The following RBFOX1 variants were observed in gnomAD, a reference collection of about 807,000 sequenced individuals.
RBFOX1 encodes the protein RNA binding fox-1 homolog 1, also known as RNA binding protein fox-1 homolog 1.
A neutral mutation model predicts 57.7 loss-of-function variants in RBFOX1; 8 were observed. The observed-to-expected ratio is 0.14, with a 90% CI of 0.08 to 0.25. The LOEUF is 0.25. Ranked by LOEUF, RBFOX1 falls within the 10% of genes least tolerant of loss-of-function variation. The pLI, the probability that RBFOX1 is intolerant of heterozygous loss-of-function variation, is 1.00. For synonymous variants in RBFOX1, 326 were observed against 222.4 expected, an observed-to-expected ratio of 1.47 and a Z score of -4.15; for missense variants, 611 against 548.5, an observed-to-expected ratio of 1.11 and a Z score of -1.14.
intron 2 of RBFOX1, among the ~76,000 whole-genome samples, chr16:6,502,642 C>T (rs529394676): frequency 1.3e-5 from 2 of 152,186 alleles, no homozygotes; most frequent in South Asian, 2.1e-4. Context: ...GTTGTGCTAG[C>T]AAGTGTTTGT....
intron 3 of RBFOX1, among the ~76,000 whole-genome samples, chr16:6,757,756 C>G (rs552473254): frequency 6.6e-6 from 1 of 152,196 alleles, no homozygotes; most frequent in East Asian, 1.9e-4. Flanking sequence ...TGGTTAAAAA[C>G]AATTTATTGT....
intron 1 of RBFOX1, among the ~76,000 whole-genome samples, chr16:5,331,278 C>A (rs75193801): frequency 6.6e-6 from 1 of 152,178 alleles, no homozygotes. Flanking sequence ...ATGTATCTCA[C>A]GTGCTTTGGG....
intron 4 of RBFOX1, among the ~76,000 whole-genome samples, chr16:7,340,346 A>T (rs973512566): frequency 6.6e-6 from 1 of 152,226 alleles, no homozygotes; most frequent in African/African-American, 2.4e-5. Flanking sequence ...TATCCTGATC[A>T]CTTGTTGCCA....
intron 3 of RBFOX1, among the ~76,000 whole-genome samples, chr16:6,698,518 C>T (rs2061374296): frequency 6.6e-6 from 1 of 152,172 alleles, no homozygotes; most frequent in Non-Finnish European, 1.5e-5. Context: ...GAGCGCTTAA[C>T]TCTTTCTTTT....
At chr16:6,802,524 A>C (rs77358704) in intron 3 of RBFOX1, among the ~76,000 whole-genome samples, 2 of 152,050 alleles carry the variant, frequency 1.3e-5, no homozygotes, top group Non-Finnish European at 2.9e-5. Context: ...TTAAAATACA[A>C]AAGTTACTCG....
intron 2 of RBFOX1, among the ~76,000 whole-genome samples, chr16:5,595,799 G>C (rs1385415553): frequency 6.6e-6 from 1 of 152,166 alleles, no homozygotes; most frequent in Non-Finnish European, 1.5e-5. Flanking sequence ...GGGACACACG[G>C]GATTGGGCAC....
chr16:7,339,120 A>G (rs2096846184), intron 4 of RBFOX1, among the ~76,000 whole-genome samples: 1 of 152,202 alleles, frequency 6.6e-6, no homozygotes, highest in Admixed American at 6.5e-5. Flanking sequence ...TCTGGCATTT[A>G]CTAAGCCTGT....
chr16:6,239,042 A>T (rs2097525949), intron 1 of RBFOX1, among the ~76,000 whole-genome samples: 4 of 152,028 alleles, frequency 2.6e-5, no homozygotes, highest in Admixed American at 2.6e-4. Flanking sequence ...ATTTTTTACA[A>T]GCTCCTTAGT....
At chr16:6,303,513 G>C (rs1470988805) in intron 1 of RBFOX1, among the ~76,000 whole-genome samples, 1 of 152,092 alleles carries the variant, frequency 6.6e-6, no homozygotes, top group East Asian at 1.9e-4. Flanking sequence ...GCAGTAGTCT[G>C]AGTAAATATA....
At chr16:5,401,775 T>TCTGCCGCTGTCA (rs1443585007) in intron 1 of RBFOX1, among the ~76,000 whole-genome samples, 6 of 149,804 alleles carry the variant, frequency 4.0e-5, no homozygotes, top group South Asian at 2.2e-4. Flanking sequence ...CTCCTCCTCC[T>TCTGCCGCTGTCA]CCTCCTCCTC....
chr16:6,957,431 C>G (rs2082104607), intron 3 of RBFOX1, among the ~76,000 whole-genome samples: 1 of 152,080 alleles, frequency 6.6e-6, no homozygotes, highest in African/African-American at 2.4e-5. Flanking sequence ...ATATGCTAAA[C>G]AAGGGGTGGA....
chr16:7,000,753 C>A (rs552940516), intron 3 of RBFOX1, among the ~76,000 whole-genome samples: 35 of 151,560 alleles, frequency 2.3e-4, no homozygotes, highest in African/African-American at 8.0e-4. Context: ...TACAGGTGTC[C>A]GCCATCATGC....
chr16:6,364,916 G>A (rs1361798162), intron 2 of RBFOX1, among the ~76,000 whole-genome samples: 2 of 152,010 alleles, frequency 1.3e-5, no homozygotes, highest in African/African-American at 2.4e-5. Flanking sequence ...GTCCTTTTAC[G>A]ATATTCACCC....
At chr16:5,704,246 G>C (rs1181088093) in intron 3 of RBFOX1, among the ~76,000 whole-genome samples, 3 of 152,104 alleles carry the variant, frequency 2.0e-5, no homozygotes, top group African/African-American at 7.2e-5. Flanking sequence ...GTAATAATTT[G>C]GATAAAAGTT....
chr16:5,665,197 C>T (rs2049799833), intron 3 of RBFOX1, among the ~76,000 whole-genome samples: 2 of 151,886 alleles, frequency 1.3e-5, no homozygotes, highest in South Asian at 4.2e-4. Flanking sequence ...GCGATCCTCC[C>T]ACCTTAGTCT....
intron 4 of RBFOX1, among the ~76,000 whole-genome samples, chr16:7,478,396 G>A (rs2063176847): frequency 6.6e-6 from 1 of 152,176 alleles, no homozygotes; most frequent in African/African-American, 2.4e-5. Context: ...ATTTTTTAAG[G>A]GAGTGAGGAG....
chr16:6,978,866 A>G (rs1234779320), intron 3 of RBFOX1, among the ~76,000 whole-genome samples: 1 of 152,066 alleles, frequency 6.6e-6, no homozygotes, highest in Non-Finnish European at 1.5e-5. Flanking sequence ...GCTTCATTGC[A>G]TTTTTGCCCT....
chr16:6,253,164 C>G (rs1341091977), intron 1 of RBFOX1, among the ~76,000 whole-genome samples: 3 of 152,132 alleles, frequency 2.0e-5, no homozygotes, highest in Non-Finnish European at 4.4e-5. Context: ...GATTTGAATA[C>G]AGGTCTCATC....
rs1334953042 is a variant in RBFOX1, at chr16:6,936,379, C to G, written c.-15-115678C>G. Among the ~76,000 whole-genome samples, 4 of 152,132 alleles carry G rather than the reference C, an allele frequency of 2.6e-5. No individual in the cohort carries two copies. In the East Asian group the frequency reaches 7.8e-4, roughly 30 times the overall value. ...CAATGAGCATAGGCACAAACAGAAA[C>G]AAATAAAAACTTCTTGGTGAGTTTG... On this transcript the variant is annotated intron_variant, in intron 3 of 15. Coordinates refer to ENST00000550418, the MANE Select transcript of RBFOX1 (RefSeq NM_018723.4).
Sources: gnomAD v4.1 joint callset for allele counts (sites outside exome capture counted in the v4.1 genomes callset) on GRCh38, gnomAD v4.1.1 for gene constraint, MANE v1.5 for transcripts, NCBI Gene and HGNC (gene_info 2026-07-23, HGNC 2026-07-21) for gene names.